The following CADM2 variants were observed in gnomAD, a reference collection of about 807,000 sequenced individuals.
The protein encoded by CADM2 is immunoglobulin superfamily member 4D.
A neutral mutation model predicts 49.8 loss-of-function variants in CADM2; 12 were observed. The observed-to-expected ratio is 0.24, with a 90% CI of 0.15 to 0.39. The LOEUF (loss-of-function observed/expected upper bound fraction) is 0.39, where lower values mean the gene tolerates loss of function less well. Among genes scored for constraint, CADM2 ranks in the 10% least tolerant of loss-of-function variants. CADM2 has a pLI of 1.00. For missense variants in CADM2, 378 were observed against 492.3 expected (o/e 0.77, Z 2.20); for synonymous variants, 214 against 175.4 (o/e 1.22, Z -1.74).
chr3:85,559,311 G>A (rs1449373), intron 1 of CADM2, among the ~76,000 whole-genome samples: 77,841 of 151,816 alleles, frequency 0.51, 23,034 homozygotes, highest in East Asian at 0.85. Context: ...TTGCTTTTCT[G>A]TATAAAAATG....
At chr3:85,212,299 C>A (rs2041798026) in intron 1 of CADM2, among the ~76,000 whole-genome samples, 1 of 152,098 alleles carries the variant, frequency 6.6e-6, no homozygotes, top group Non-Finnish European at 1.5e-5. Context: ...TAAGGACATA[C>A]TCCTGCCATT....
At chr3:85,196,687 A>G (rs998337316) in intron 1 of CADM2, among the ~76,000 whole-genome samples, 3 of 152,000 alleles carry the variant, frequency 2.0e-5, no homozygotes, top group Admixed American at 6.6e-5. Flanking sequence ...TCATTGTGTG[A>G]AAACAACACT....
chr3:85,228,161 A>G (rs1278730967), intron 1 of CADM2, among the ~76,000 whole-genome samples: 1 of 151,978 alleles, frequency 6.6e-6, no homozygotes, highest in Admixed American at 6.6e-5. Flanking sequence ...CTCAACTTGA[A>G]TGTTGGCCTG....
intron 1 of CADM2, among the ~76,000 whole-genome samples, chr3:85,634,778 C>T (rs2064410718): frequency 6.6e-6 from 1 of 152,008 alleles, no homozygotes. Flanking sequence ...TTTCAAGTTG[C>T]TGACTTTCTG....
chr3:85,088,420 T>C (rs1433202595), intron 1 of CADM2, among the ~76,000 whole-genome samples: 5 of 152,134 alleles, frequency 3.3e-5, no homozygotes, highest in African/African-American at 1.2e-4. Context: ...TAAGCAAAAC[T>C]TAAAAGTATG....
At chr3:85,902,650 T>C (rs1008474572) in intron 5 of CADM2, among the ~76,000 whole-genome samples, 2 of 151,512 alleles carry the variant, frequency 1.3e-5, no homozygotes, top group African/African-American at 4.8e-5. Flanking sequence ...TACCACTTTA[T>C]GCTATATGAA....
At chr3:85,444,548 C>A (rs2037359565) in intron 1 of CADM2, among the ~76,000 whole-genome samples, 1 of 151,994 alleles carries the variant, frequency 6.6e-6, no homozygotes. Context: ...TAGATCACTT[C>A]TTCAACTCTT....
chr3:85,671,697 CTTG>C (rs1364247285), intron 1 of CADM2, among the ~76,000 whole-genome samples: 1 of 152,154 alleles, frequency 6.6e-6, no homozygotes, highest in South Asian at 2.1e-4. Flanking sequence ...GACCTTTGCA[CTTG>C]TTGTTCTCTA....
intron 1 of CADM2, among the ~76,000 whole-genome samples, chr3:85,354,638 G>GAGAGAGAGAC (rs1015638324): frequency 2.0e-5 from 3 of 150,734 alleles, no homozygotes; most frequent in Non-Finnish European, 4.4e-5. Flanking sequence ...GAGAGAGAGA[G>GAGAGAGAGAC]AGAGAAGCCT....
chr3:85,685,334 T>C (rs1236475887), intron 1 of CADM2, among the ~76,000 whole-genome samples: 3 of 152,160 alleles, frequency 2.0e-5, no homozygotes, highest in Non-Finnish European at 4.4e-5. Context: ...ATCTAGGATG[T>C]AAAAGCTGTA....
chr3:85,954,710 C>A (rs952492528), intron 7 of CADM2, among the ~76,000 whole-genome samples: 5 of 151,116 alleles, frequency 3.3e-5, no homozygotes, highest in Admixed American at 6.6e-5. Context: ...AACTTTAAAT[C>A]TTTTACTTGA....
intron 3 of CADM2, among the ~76,000 whole-genome samples, chr3:85,859,085 A>G (rs2075421072): frequency 6.6e-6 from 1 of 152,208 alleles, no homozygotes; most frequent in Non-Finnish European, 1.5e-5. Context: ...TGAGAAGTAT[A>G]GAAATGATGA....
At chr3:85,009,834 C>T (rs930656642) in intron 1 of CADM2, among the ~76,000 whole-genome samples, 1 of 150,688 alleles carries the variant, frequency 6.6e-6, no homozygotes, top group African/African-American at 2.4e-5. Context: ...CCACTGTGCT[C>T]CAGCCTGGGC....
chr3:85,775,215 C>T (rs1389936726), intron 2 of CADM2, among the ~76,000 whole-genome samples: 2 of 151,690 alleles, frequency 1.3e-5, no homozygotes, highest in African/African-American at 2.4e-5. Context: ...CAAGTTAAAA[C>T]CCAAATTTCT....
intron 8 of CADM2, among the ~76,000 whole-genome samples, chr3:86,010,059 T>C (rs1731308821): frequency 6.6e-6 from 1 of 151,948 alleles, no homozygotes; most frequent in African/African-American, 2.4e-5. Flanking sequence ...TATTTAATCT[T>C]CTAATCATTT....
At chr3:85,031,576 G>T (rs930131065) in intron 1 of CADM2, among the ~76,000 whole-genome samples, 1 of 152,050 alleles carries the variant, frequency 6.6e-6, no homozygotes, top group Non-Finnish European at 1.5e-5. Flanking sequence ...GTGCAGTGGC[G>T]CGATCTCGGC....
chr3:85,099,344 C>T (rs572669045), intron 1 of CADM2, among the ~76,000 whole-genome samples: 10 of 152,214 alleles, frequency 6.6e-5, no homozygotes, highest in Non-Finnish European at 1.2e-4. Context: ...AGGGTTTGAT[C>T]GCCTACATCT....
chr3:85,518,261 G>A (rs2060950671), intron 1 of CADM2, among the ~76,000 whole-genome samples: 1 of 152,174 alleles, frequency 6.6e-6, no homozygotes. Context: ...AAAGTGCTCG[G>A]ATTACAGGCA....
chr3:85,345,534 A>G (rs546111373), intron 1 of CADM2, among the ~76,000 whole-genome samples: 1 of 152,164 alleles, frequency 6.6e-6, no homozygotes, highest in Non-Finnish European at 1.5e-5. Flanking sequence ...TCTTAACCTG[A>G]TTTCATCATG....
Sources: gnomAD v4.1 joint callset for allele counts (sites outside exome capture counted in the v4.1 genomes callset) on GRCh38, gnomAD v4.1.1 for gene constraint, MANE v1.5 for transcripts, NCBI Gene and HGNC (gene_info 2026-07-23, HGNC 2026-07-21) for gene names.